CLVS1: variants seen among roughly 807,000 people sequenced by gnomAD.
The protein encoded by CLVS1 is clavesin-1.
Under a neutral mutation model 33.1 loss-of-function variants are expected in CLVS1, and 10 were observed. That is an observed-to-expected ratio of 0.30 (90% CI 0.19 to 0.51). The LOEUF (loss-of-function observed/expected upper bound fraction) is 0.51. Ranked by LOEUF, CLVS1 falls within the 20% of genes least tolerant of loss-of-function variation. CLVS1 has a pLI of 0.97. For synonymous variants in CLVS1, 163 were observed against 166.1 expected, an observed-to-expected ratio of 0.98 and a Z score of 0.14; for missense variants, 343 against 433.4, an observed-to-expected ratio of 0.79 and a Z score of 1.85.
intron 5 of CLVS1, among the ~76,000 whole-genome samples, chr8:61,494,385 C>T (rs1460004200): frequency 6.6e-6 from 1 of 152,130 alleles, no homozygotes; most frequent in Non-Finnish European, 1.5e-5. Context: ...TTGCCTACTA[C>T]ACCACTGAGA....
At chr8:61,427,644 A>G (rs1326623900) in intron 3 of CLVS1, among the ~76,000 whole-genome samples, 1 of 152,150 alleles carries the variant, frequency 6.6e-6, no homozygotes, top group Non-Finnish European at 1.5e-5. Flanking sequence ...ACATTCATCT[A>G]CTGAATCCTC....
intron 2 of CLVS1, among the ~76,000 whole-genome samples, chr8:61,237,906 G>A (rs1585713060): frequency 6.6e-6 from 1 of 150,862 alleles, no homozygotes; most frequent in South Asian, 2.1e-4. Flanking sequence ...CCACAATGTT[G>A]TATCCATCCA....
intron 2 of CLVS1, among the ~76,000 whole-genome samples, chr8:61,233,765 A>G (rs1241859872): frequency 1.3e-5 from 2 of 152,178 alleles, no homozygotes; most frequent in Admixed American, 6.5e-5. Flanking sequence ...GCCCAAGGAG[A>G]CAAGCGTACA....
intron 1 of CLVS1, among the ~76,000 whole-genome samples, chr8:61,064,099 A>G (rs971004628): frequency 6.6e-6 from 1 of 152,216 alleles, no homozygotes; most frequent in African/African-American, 2.4e-5. Flanking sequence ...CTATGGATAC[A>G]CCACATTTTG....
intron 2 of CLVS1, among the ~76,000 whole-genome samples, chr8:61,338,407 C>A (rs751887727): frequency 6.6e-6 from 1 of 152,170 alleles, no homozygotes; most frequent in Non-Finnish European, 1.5e-5. Context: ...CTCCTTAAAA[C>A]CAAACATTTC....
upstream of CLVS1, among the ~76,000 whole-genome samples, chr8:61,056,581 C>A (rs1219613539): frequency 1.3e-5 from 2 of 152,150 alleles, no homozygotes; most frequent in Non-Finnish European, 2.9e-5. Context: ...GTGCCTGACT[C>A]ATAATTCAGG....
At chr8:61,468,716 TA>T (rs5891803) in intron 5 of CLVS1, among the ~76,000 whole-genome samples, 62,377 of 92,514 alleles carry the variant, frequency 0.67, 21,147 homozygotes, top group Non-Finnish European at 0.77. Flanking sequence ...GTAAAAGTAC[TA>T]AAAAAAAAAA....
At chr8:61,288,346 C>A in intron 1 of CLVS1, 1 of 446,346 alleles carries the variant, frequency 2.2e-6, no homozygotes, top group Non-Finnish European at 4.5e-6. Flanking sequence ...GCTCAGCCTG[C>A]GCCCCCTTAC....
chr8:61,323,536 C>T (rs1811271233), intron 2 of CLVS1, among the ~76,000 whole-genome samples: 2 of 152,186 alleles, frequency 1.3e-5, no homozygotes, highest in East Asian at 3.8e-4. Flanking sequence ...AATATAGTCA[C>T]ATTCCACCAA....
chr8:61,125,440 G>T (rs1805951868), intron 1 of CLVS1, among the ~76,000 whole-genome samples: 2 of 152,112 alleles, frequency 1.3e-5, no homozygotes, highest in Non-Finnish European at 2.9e-5. Context: ...ACTAAAAAAA[G>T]ACATAAGTTC....
intron 1 of CLVS1, among the ~76,000 whole-genome samples, chr8:61,067,163 A>G (rs961800380): frequency 6.6e-6 from 1 of 152,134 alleles, no homozygotes; most frequent in Non-Finnish European, 1.5e-5. Context: ...TTTCTCATTG[A>G]TTTTTATAGC....
At chr8:61,030,009 C>G in the CLVS1 span, among the ~76,000 whole-genome samples, 1 of 152,198 alleles carries the variant, frequency 6.6e-6, no homozygotes, top group Non-Finnish European at 1.5e-5. Flanking sequence ...GCAAGAGTCC[C>G]AGGCGCCACT....
rs907463388 is a variant in CLVS1 at position 61,126,782 on chromosome 8, C to G, written c.-242-4988C>G. On this transcript the variant is annotated intron_variant, in intron 1 of 2. Coordinates refer to the CLVS1 transcript ENST00000522621. ...TTCTCAGCTCAGCTTGTTTCTGTGT[C>G]TTTTGTTTGCATGTTGGACTTATTC... Among the ~76,000 whole-genome samples the G allele has an allele frequency of 5.3e-5, 8 of 152,310 alleles. No homozygotes were observed. The East Asian group carries it at 1.3e-3, about 26-fold the overall frequency.
At chr8:61,166,514 A>G in intron 2 of CLVS1, among the ~76,000 whole-genome samples, 1 of 150,106 alleles carries the variant, frequency 6.7e-6, no homozygotes, top group Middle Eastern at 3.4e-3. Context: ...TAAAATTTTA[A>G]ATTTCTGTTT....
intron 5 of CLVS1, among the ~76,000 whole-genome samples, chr8:61,461,676 A>C (rs1817370888): frequency 6.6e-6 from 1 of 152,160 alleles, no homozygotes; most frequent in Non-Finnish European, 1.5e-5. Flanking sequence ...TCCTTTTCTA[A>C]ACAAGATTCA....
At chr8:61,113,864 C>G (rs980785109) in intron 1 of CLVS1, among the ~76,000 whole-genome samples, 1 of 152,194 alleles carries the variant, frequency 6.6e-6, no homozygotes, top group African/African-American at 2.4e-5. Flanking sequence ...ATCCCTGGCT[C>G]AGGCAACCCT....
chr8:61,465,512 G>A (rs1289439784), intron 5 of CLVS1: 2 of 152,052 alleles, frequency 1.3e-5, no homozygotes, highest in Non-Finnish European at 2.9e-5. Flanking sequence ...TGGTTTAGCT[G>A]GAAATTCCTC....
chr8:61,159,366 G>C (rs1806710940), intron 2 of CLVS1, among the ~76,000 whole-genome samples: 1 of 152,150 alleles, frequency 6.6e-6, no homozygotes, highest in African/African-American at 2.4e-5. Context: ...CCTGGGGCTG[G>C]CATGATTTAG....
intron 5 of CLVS1, among the ~76,000 whole-genome samples, chr8:61,474,661 G>A (rs1817848080): frequency 6.6e-6 from 1 of 152,178 alleles, no homozygotes. Context: ...TTAGGACCCC[G>A]AGCCTGAGTG....
Sources: gnomAD v4.1 joint callset for allele counts (sites outside exome capture counted in the v4.1 genomes callset) on GRCh38, gnomAD v4.1.1 for gene constraint, MANE v1.5 for transcripts, NCBI Gene and HGNC (gene_info 2026-07-23, HGNC 2026-07-21) for gene names.